RPS6KA2: variants seen among roughly 807,000 people sequenced by gnomAD.
The protein encoded by RPS6KA2 is ribosomal protein S6 kinase A2.
In RPS6KA2, 42 loss-of-function variants were observed where a neutral mutation model predicts 91.8. The ratio of observed to expected loss-of-function variants is 0.46; its 90% CI spans 0.36 to 0.59. The LOEUF is 0.59. Among genes scored for constraint, RPS6KA2 ranks in the 20% least tolerant of loss-of-function variants. The pLI is 0.00. For synonymous variants in RPS6KA2, 414 were observed against 393.6 expected (o/e 1.05, Z -0.61); for missense variants, 798 against 978.5 (o/e 0.82, Z 2.46).
intron 2 of RPS6KA2, among the ~76,000 whole-genome samples, chr6:166,680,978 G>A (rs558384211): frequency 7.7e-4 from 118 of 152,308 alleles, no homozygotes; most frequent in African/African-American, 2.7e-3. Context: ...CCTGTTTGGC[G>A]TATCGAGTGA....
intron 10 of RPS6KA2, among the ~76,000 whole-genome samples, chr6:166,476,717 G>T (rs1028323782): frequency 5.3e-5 from 8 of 152,084 alleles, no homozygotes; most frequent in African/African-American, 1.2e-4. Context: ...CTCACACTAG[G>T]GGAGACACCA....
At chr6:166,742,404 G>T (rs1790841720) in intron 2 of RPS6KA2, among the ~76,000 whole-genome samples, 1 of 152,150 alleles carries the variant, frequency 6.6e-6, no homozygotes, top group African/African-American at 2.4e-5. Flanking sequence ...TCTCAGAGTT[G>T]TGTCATAAGA....
intron 10 of RPS6KA2, among the ~76,000 whole-genome samples, chr6:166,485,210 T>C (rs1170553620): frequency 6.6e-6 from 1 of 151,984 alleles, no homozygotes; most frequent in Non-Finnish European, 1.5e-5. Flanking sequence ...CAACCTAGGG[T>C]CACGGAAAAG....
chr6:166,629,199 G>A (rs931308195), upstream of RPS6KA2, among the ~76,000 whole-genome samples: 6 of 152,332 alleles, frequency 3.9e-5, no homozygotes, highest in Admixed American at 2.6e-4. Flanking sequence ...TGCTTCCCTC[G>A]GAAGGGGAGC....
At chr6:166,550,974 A>AGTG (rs1562573970) in intron 1 of RPS6KA2, among the ~76,000 whole-genome samples, 8 of 131,380 alleles carry the variant, frequency 6.1e-5, no homozygotes, top group Admixed American at 3.4e-4. Flanking sequence ...CCAGCCTGGC[A>AGTG]ACAGAGCCGG....
In RPS6KA2 at chr6:166,556,676, C is replaced by T. The variant is rs77427546; in HGVS notation, c.100-17892G>A. On this transcript the variant is annotated intron_variant, in intron 1 of 20. Coordinates refer to ENST00000265678, the MANE Select transcript of RPS6KA2 (RefSeq NM_021135.6). ...GGACATAATACAAACCTTCCTTTCC[C>T]ACCACAATAATAAAACCCCAAAGAG... Among the ~76,000 whole-genome samples, 589 of 152,242 alleles carry T rather than the reference C, an allele frequency of 3.9e-3. 4 individuals are homozygous for T. Among genetic ancestry groups the T allele is most frequent in the African/African-American group, 0.014 (567 of 41,542 alleles).
Position 166,626,359 on chromosome 6 carries a change from C to T in RPS6KA2, c.99+562G>A, listed in dbSNP as rs537458591. ...GGATATTGCATCAGGCTCTTTACTCCTGAACGCCGTTTTAGACGCCTAAGC... is the reference window on the plus strand; with the variant it reads ...GGATATTGCATCAGGCTCTTTACTCTTGAACGCCGTTTTAGACGCCTAAGC... On this transcript the variant is annotated intron_variant, in intron 1 of 20. Coordinates refer to ENST00000265678, the MANE Select transcript of RPS6KA2 (RefSeq NM_021135.6). This position sits in a 1 kb window ranked among gnomAD's most constrained non-coding sequence, Gnocchi z 4.1. Among the ~76,000 whole-genome samples the T allele has an allele frequency of 1.7e-4, 26 of 152,378 alleles. No individual in the cohort carries two copies. Among genetic ancestry groups the T allele is most frequent in the African/African-American group, 6.0e-4 (25 of 41,590 alleles).
At chr6:166,710,558 C>CTG (rs1359955466) in intron 2 of RPS6KA2, among the ~76,000 whole-genome samples, 1 of 151,258 alleles carries the variant, frequency 6.6e-6, no homozygotes, top group Admixed American at 6.6e-5. Context: ...CATTGTGTGT[C>CTG]TGTGTGTGTG....
At chr6:166,680,975 G>A (rs139802253) in intron 2 of RPS6KA2, among the ~76,000 whole-genome samples, 6 of 152,328 alleles carry the variant, frequency 3.9e-5, no homozygotes, top group African/African-American at 1.2e-4. Flanking sequence ...GGACCTGTTT[G>A]GCGTATCGAG....
chr6:166,748,392 C>T (rs1010363494), intron 2 of RPS6KA2, among the ~76,000 whole-genome samples: 8 of 152,110 alleles, frequency 5.3e-5, no homozygotes, highest in East Asian at 1.9e-4. Flanking sequence ...GAAACTCCAC[C>T]GAGTGCCTCA....
chr6:166,724,305 G>T (rs891473848), intron 2 of RPS6KA2, among the ~76,000 whole-genome samples: 1 of 151,738 alleles, frequency 6.6e-6, no homozygotes, highest in Admixed American at 6.6e-5. Flanking sequence ...AAATTTTGAC[G>T]CTGTTACTTG....
At chr6:166,861,275 G>A (rs187063422) in intron 1 of RPS6KA2, among the ~76,000 whole-genome samples, 1 of 152,298 alleles carries the variant, frequency 6.6e-6, no homozygotes, top group East Asian at 1.9e-4. Flanking sequence ...AATTAAATTG[G>A]ACTTTGAGGA....
intron 2 of RPS6KA2, among the ~76,000 whole-genome samples, chr6:166,720,762 C>T (rs1270338194): frequency 6.6e-6 from 1 of 152,182 alleles, no homozygotes; most frequent in Admixed American, 6.5e-5. Flanking sequence ...GACAGAGTAG[C>T]CCATTCCAAT....
chr6:166,744,327 G>A (rs1371321544), intron 2 of RPS6KA2, among the ~76,000 whole-genome samples: 1 of 151,756 alleles, frequency 6.6e-6, no homozygotes, highest in East Asian at 1.9e-4. Context: ...GCGTGTGCAG[G>A]GGTTCCCCGT....
chr6:166,466,522 A>T (rs1268082688), intron 11 of RPS6KA2, among the ~76,000 whole-genome samples: 1 of 152,196 alleles, frequency 6.6e-6, no homozygotes, highest in Non-Finnish European at 1.5e-5. Flanking sequence ...TACCAGCTGC[A>T]GCCCTCAGGG....
Position 166,459,532 on chromosome 6 carries a change from A to C in RPS6KA2, c.992T>G (p.Ile331Ser). The C allele has an allele frequency of 6.2e-7, 1 of 1,613,764 alleles. No individual in the cohort carries two copies. Among genetic ancestry groups the C allele is most frequent in the South Asian group, 1.1e-5 (1 of 91,028 alleles). The change falls in exon 12 of 21, where the codon ATC (isoleucine) becomes AGC (serine). Residue 331 changes from isoleucine to serine, a missense_variant. Ile to Ser is a moderately radical substitution (Grantham distance 142). Transcript: ENST00000265678. This position sits in a 1 kb window ranked among gnomAD's most constrained non-coding sequence, Gnocchi z 4.9. Reference sequence around the variant, plus strand: ...CACTGCTGGTTTGAACGGTGGCTTGATCTCCTTCCGGTACAGCGTCTATTA... The same window carrying C: ...CACTGCTGGTTTGAACGGTGGCTTGCTCTCCTTCCGGTACAGCGTCTATTA... The part of the protein sequence containing the change: ...IDWNTLYRKE[I>S]KPPFKPAVGR...
At chr6:166,664,951 G>T (rs891712300) in intron 2 of RPS6KA2, among the ~76,000 whole-genome samples, 2 of 152,182 alleles carry the variant, frequency 1.3e-5, no homozygotes, top group Non-Finnish European at 2.9e-5. Context: ...GAGGATAAGA[G>T]AAAACAAGTC....
At chr6:166,461,499 G>GGAGAGAGA (rs3830733) in intron 11 of RPS6KA2, among the ~76,000 whole-genome samples, 1 of 129,790 alleles carries the variant, frequency 7.7e-6, no homozygotes. Flanking sequence ...GGAGAGAGGT[G>GGAGAGAGA]GAGAGAGAGA....
At chr6:166,815,998 G>A (rs1779750443) in intron 2 of RPS6KA2, among the ~76,000 whole-genome samples, 1 of 152,100 alleles carries the variant, frequency 6.6e-6, no homozygotes, top group Non-Finnish European at 1.5e-5. Context: ...TACCTCTTCT[G>A]AAGATGACAA....
Sources: allele counts gnomAD v4.1 joint callset (sites outside exome capture counted in the v4.1 genomes callset), GRCh38; gene constraint gnomAD v4.1.1; non-coding constraint Gnocchi (gnomAD v3.1); transcripts MANE v1.5; gene names NCBI Gene and HGNC (gene_info 2026-07-23, HGNC 2026-07-21).